Variants in MBD1 observed in about 807,000 individuals in gnomAD.
MBD1 encodes methyl-CpG-binding domain protein 1.
Under a neutral mutation model 82.6 loss-of-function variants are expected in MBD1, and 25 were observed. That is an observed-to-expected ratio of 0.30 (90% confidence interval 0.22 to 0.42). MBD1 has a LOEUF of 0.42. Ranked by LOEUF, MBD1 falls within the 10% of genes least tolerant of loss-of-function variation. The probability of loss-of-function intolerance (pLI) is 1.00; values close to 1 mark genes in which losing one functional copy is unlikely to be tolerated. For missense variants in MBD1, 627 were observed against 819.6 expected, an observed-to-expected ratio of 0.76 and a Z score of 2.87; for synonymous variants, 301 against 303.7, an observed-to-expected ratio of 0.99 and a Z score of 0.09.
intron 13 of MBD1, 111 bp downstream of exon 13, chr18:50,273,223 C>T (rs1402881373): frequency 1.1e-5 from 16 of 1,465,030 alleles, no homozygotes; most frequent in Non-Finnish European, 1.4e-5. Context: ...GCAGAAACGT[C>T]GCAATCAGCA....
chr18:50,275,210 G>C lies in MBD1; in HGVS notation c.828C>G (p.Ser276=). ...KHARRKGGCD[S]KMAARRRPGA... is the part of the protein sequence containing the mutation. ...CGGGGCGCCGCCTGGCAGCCATCTT[G>C]GAGTCACAGCCTCCCTTGCGGCGGG... The change falls in exon 9 of 17, where the codon TCC becomes TCG. Residue 276 remains serine, a synonymous_variant. Transcript: ENST00000269468. The C allele has an allele frequency of 1.2e-6, 2 of 1,614,178 alleles. No homozygotes were observed. The highest frequency in any genetic ancestry group is 1.7e-6 in the Non-Finnish European group (2 of 1,180,022).
chr18:50,273,508 C>T (rs1430055660), intron 12 of MBD1, 37 bp from the exon 13 acceptor site: 1 of 1,613,884 alleles, frequency 6.2e-7, no homozygotes, highest in East Asian at 2.2e-5. Context: ...TTGGTCTCAG[C>T]TCCCTGGCAT....
At chr18:50,281,744 T>G (rs566969630), upstream of MBD1, 2 of 358,216 alleles carry the variant, frequency 5.6e-6, no homozygotes, top group East Asian at 4.2e-5. Context: ...GCGGCTCTCC[T>G]CGCTGCCCAT....
intron 1 of MBD1, chr18:50,281,127 C>T: frequency 6.5e-7 from 1 of 1,528,048 alleles, no homozygotes; most frequent in South Asian, 1.2e-5. Context: ...CTCCACCATT[C>T]CTCTCCGTCC....
chr18:50,277,379 AC>A (rs2038362624), intron 2 of MBD1, among the ~76,000 whole-genome samples, 175 bp from the exon 3 acceptor site: 2 of 152,196 alleles, frequency 1.3e-5, no homozygotes, highest in Non-Finnish European at 2.9e-5. Context: ...ATAAATACCA[AC>A]ACATATAGAA....
At position 50,269,800 on chromosome 18, in the gene MBD1, C is replaced by T. The variant is rs149041092; in HGVS notation, c.*51G>A. ...ACACTTTACATCCATCTTCCCTTCC[C>T]GAGTGCCTGCCCTGCAGACTTCAAG... On this transcript the variant is annotated 3_prime_UTR_variant, in exon 17 of 17. Coordinates refer to ENST00000269468, the MANE Select transcript of MBD1 (RefSeq NM_015846.4). 3.7e-5 allele frequency: 29 copies of T among 788,180 alleles called. No homozygotes were observed. Among genetic ancestry groups the T allele is most frequent in the East Asian group, 1.9e-4 (8 of 41,284 alleles). The allele number at this position is 788,180 out of a possible 1,614,324, so 48.8% of individuals were successfully genotyped here. A position where few individuals can be genotyped will look rare whatever the true frequency, so the allele number is the denominator to read the frequency against.
chr18:50,272,107 C>T (rs182370362), intron 15 of MBD1, among the ~76,000 whole-genome samples: 1 of 152,274 alleles, frequency 6.6e-6, no homozygotes, highest in African/African-American at 2.4e-5. Context: ...AGATCCAGCC[C>T]AAGCCCTTCC....
chr18:50,276,087 C>T (rs2147885046), intron 6 of MBD1, 106 bp from the exon 7 acceptor site: 1 of 1,425,078 alleles, frequency 7.0e-7, no homozygotes, highest in South Asian at 1.2e-5. Context: ...TTTTAGTCCC[C>T]CATTAGCCTC....
intron 2 of MBD1, among the ~76,000 whole-genome samples, chr18:50,277,498 A>C (rs1300953578): frequency 6.6e-6 from 1 of 152,034 alleles, no homozygotes; most frequent in Non-Finnish European, 1.5e-5. Flanking sequence ...ATAGGAACAC[A>C]AATATATTAT....
At position 50,270,325 on chromosome 18, in the gene MBD1, C is replaced by G; in HGVS notation, c.*33-507G>C. The G allele has an allele frequency of 4.1e-6, 3 of 725,350 alleles. No individual in the cohort carries two copies. In the South Asian group the frequency reaches 4.2e-5, roughly 10 times the overall value. 44.9% of individuals were successfully genotyped at this position (725,350 alleles called of 1,614,324 possible). ...CTCACTCAGTCCTGGCCCTGTAAAG[C>G]TGGCTAACAAATTACAGGTCTAATC... On this transcript the variant is annotated intron_variant, in intron 16 of 16. Transcript: ENST00000269468.
chr18:50,273,002 C>A, intron 13 of MBD1, 47 bp from the exon 14 acceptor site: 1 of 1,612,636 alleles, frequency 6.2e-7, no homozygotes, highest in Non-Finnish European at 8.5e-7. Context: ...CAGAGTTCAC[C>A]TGAGGAAAGT....
chr18:50,270,998 T>C (rs1200985066), intron 16 of MBD1: 4 of 983,724 alleles, frequency 4.1e-6, no homozygotes, highest in Middle Eastern at 5.3e-4. Context: ...AAAAATATTA[T>C]TTTAAGGATT....
At position 50,275,877 on chromosome 18, in the gene MBD1, G is replaced by T; in HGVS notation, c.621C>A (p.Phe207Leu). ...QLPHDVASGLFCKCERRRCLR... is the reference protein window; with the variant it reads ...QLPHDVASGLLCKCERRRCLR... ...GGCAGCGTCTCCGTTCACACTTGCA[G>T]AACAGCCCCGATGCCACATCATGGG... Residue 207 changes from phenylalanine (F) to leucine (L), a missense_variant, in exon 7 of 17, where the codon TTC becomes TTA. Transcript: ENST00000269468. The T allele has an allele frequency of 6.2e-7, 1 of 1,614,208 alleles. No individual in the cohort carries two copies. Among genetic ancestry groups the T allele is most frequent in the Non-Finnish European group, 8.5e-7 (1 of 1,180,034 alleles).
At chr18:50,271,378 T>C in intron 16 of MBD1, 91 bp downstream of exon 16, 2 of 1,607,876 alleles carry the variant, frequency 1.2e-6, no homozygotes, top group East Asian at 4.5e-5. Context: ...CCTCCTAGGG[T>C]TGATTCACAC....
chr18:50,272,337 C>A (rs2035919508), intron 15 of MBD1: 3 of 354,062 alleles, frequency 8.5e-6, no homozygotes, highest in Non-Finnish European at 1.6e-5. Context: ...TGATTATTCT[C>A]TGAATAAGAA....
chr18:50,281,132 C>A, intron 1 of MBD1: 1 of 1,530,882 alleles, frequency 6.5e-7, no homozygotes, highest in South Asian at 1.2e-5. Context: ...CCATTCCTCT[C>A]CGTCCTCGTC....
intron 6 of MBD1, 120 bp from the exon 7 acceptor site, chr18:50,276,101 A>G (rs1012123710): frequency 1.5e-6 from 2 of 1,296,560 alleles, no homozygotes; most frequent in South Asian, 1.3e-5. Context: ...TAGCCTCATC[A>G]CCGTATCTGA....
At chr18:50,270,522 A>C (rs1050726783) in intron 16 of MBD1, 3 of 346,848 alleles carry the variant, frequency 8.6e-6, no homozygotes, top group Non-Finnish European at 1.7e-5. Flanking sequence ...GTTGTCAGGA[A>C]AGATGAGCCA....
downstream of MBD1, chr18:50,268,845 G>A (rs2034360737): frequency 2.2e-6 from 2 of 905,330 alleles, no homozygotes; most frequent in African/African-American, 3.6e-5. Flanking sequence ...AAGCATGTAA[G>A]TAAGTGGGAC....
Sources: gnomAD v4.1 joint callset for allele counts (sites outside exome capture counted in the v4.1 genomes callset) on GRCh38, gnomAD v4.1.1 for gene constraint, MANE v1.5 for transcripts, NCBI Gene and HGNC (gene_info 2026-07-23, HGNC 2026-07-21) for gene names.